Variants in PRR16 observed in about 807,000 individuals in gnomAD.
PRR16 encodes the protein proline rich 16.
PRR16 carries 6 observed loss-of-function variants against 18.2 expected under a neutral mutation model. That is an observed-to-expected ratio of 0.33 (90% CI 0.18 to 0.65). The LOEUF (loss-of-function observed/expected upper bound fraction) is 0.65, where lower values mean the gene tolerates loss of function less well. Among genes scored for constraint, PRR16 ranks in the 30% least tolerant of loss-of-function variants. PRR16 has a pLI of 0.74. For missense variants in PRR16, 412 were observed against 376.6 expected, an observed-to-expected ratio of 1.09 and a Z score of -0.78; for synonymous variants, 151 against 147.8, an observed-to-expected ratio of 1.02 and a Z score of -0.16.
intron 1 of PRR16, among the ~76,000 whole-genome samples, chr5:120,617,835 G>A (rs938787209): frequency 6.6e-6 from 1 of 152,016 alleles, no homozygotes; most frequent in Non-Finnish European, 1.5e-5. Context: ...CCATAAGAAC[G>A]ATCATTACCT....
chr5:120,499,503 A>G (rs945182371), intron 1 of PRR16, among the ~76,000 whole-genome samples: 2 of 151,980 alleles, frequency 1.3e-5, no homozygotes, highest in African/African-American at 4.8e-5. Flanking sequence ...TATATCTTCA[A>G]TTCATGGATT....
intron 1 of PRR16, among the ~76,000 whole-genome samples, chr5:120,510,455 T>C (rs960331105): frequency 6.6e-6 from 1 of 152,220 alleles, no homozygotes; most frequent in Non-Finnish European, 1.5e-5. Flanking sequence ...TGCTTATCAT[T>C]GTGCAACAGA....
the PRR16 span, among the ~76,000 whole-genome samples, chr5:120,792,499 TG>T: frequency 5.9e-5 from 9 of 152,196 alleles, no homozygotes; most frequent in African/African-American, 2.2e-4. Flanking sequence ...ATTAAACAAT[TG>T]CCAGTTCCCA....
In PRR16 at chr5:120,547,047, A is replaced by G. The variant is rs567175390; in HGVS notation, c.159+82402A>G. Among the ~76,000 whole-genome samples, 11 of 152,190 alleles carry G rather than the reference A, an allele frequency of 7.2e-5. 1 individual carries two copies. The highest frequency in any genetic ancestry group is 2.2e-4 in the African/African-American group (9 of 41,556). Reference sequence around the variant, plus strand: ...AAAAGGTAAGTTTTGAGATGTTGCTATGGTGCATTGCCATGGCATTTGTAA... The same window carrying G: ...AAAAGGTAAGTTTTGAGATGTTGCTGTGGTGCATTGCCATGGCATTTGTAA... On this transcript the variant is annotated intron_variant, in intron 1 of 1. Transcript: ENST00000407149.
chr5:120,620,836 C>T (rs1182237721), intron 1 of PRR16, among the ~76,000 whole-genome samples: 1 of 152,130 alleles, frequency 6.6e-6, no homozygotes, highest in Non-Finnish European at 1.5e-5. Context: ...TACATACCAA[C>T]TATATATGAA....
the PRR16 span, among the ~76,000 whole-genome samples, chr5:120,695,365 A>C: frequency 6.6e-6 from 1 of 152,242 alleles, no homozygotes; most frequent in East Asian, 1.9e-4. Flanking sequence ...AATTTTTCTG[A>C]TTACCTAAAC....
chr5:120,469,616 C>T (rs1003803137), intron 1 of PRR16, among the ~76,000 whole-genome samples: 1 of 152,074 alleles, frequency 6.6e-6, no homozygotes, highest in Non-Finnish European at 1.5e-5. Context: ...AGGTATGAGC[C>T]ACCATGTCTG....
At chr5:120,714,529 C>T in the PRR16 span, among the ~76,000 whole-genome samples, 1 of 152,150 alleles carries the variant, frequency 6.6e-6, no homozygotes, top group Non-Finnish European at 1.5e-5. Context: ...GACATTTTTA[C>T]ACTGTTGGTG....
intron 1 of PRR16, among the ~76,000 whole-genome samples, chr5:120,596,650 A>T (rs549898459): frequency 6.6e-6 from 1 of 151,692 alleles, no homozygotes; most frequent in Non-Finnish European, 1.5e-5. Context: ...AAATATCACA[A>T]ATACAACGTA....
At chr5:120,786,673 A>G in the PRR16 span, among the ~76,000 whole-genome samples, 2 of 151,462 alleles carry the variant, frequency 1.3e-5, no homozygotes, top group East Asian at 3.9e-4. Context: ...GCAAATAAAT[A>G]TATAATTATG....
chr5:120,644,544 T>C (rs1369853067), intron 1 of PRR16, among the ~76,000 whole-genome samples: 1 of 152,146 alleles, frequency 6.6e-6, no homozygotes, highest in Non-Finnish European at 1.5e-5. Context: ...ATCTGAGAGT[T>C]AGCCATTGCT....
At chr5:120,767,829 T>C in the PRR16 span, among the ~76,000 whole-genome samples, 4 of 151,764 alleles carry the variant, frequency 2.6e-5, no homozygotes, top group Non-Finnish European at 5.9e-5. Flanking sequence ...CCAATTCCAA[T>C]ACCCCTTCCA....
chr5:120,557,556 G>A (rs1442648792), intron 1 of PRR16, among the ~76,000 whole-genome samples: 1 of 151,720 alleles, frequency 6.6e-6, no homozygotes, highest in Admixed American at 6.6e-5. Flanking sequence ...AGAAGATCTG[G>A]GTTCAAATAA....
intron 1 of PRR16, among the ~76,000 whole-genome samples, chr5:120,598,483 T>C (rs551772011): frequency 5.9e-5 from 9 of 151,842 alleles, no homozygotes; most frequent in Non-Finnish European, 1.3e-4. Context: ...TGTAAAGCTA[T>C]ATTGTGTGGT....
the PRR16 span, among the ~76,000 whole-genome samples, chr5:120,742,203 A>G: frequency 6.6e-6 from 1 of 151,144 alleles, no homozygotes; most frequent in Non-Finnish European, 1.5e-5. Flanking sequence ...TTGCTAATGT[A>G]ATGAACATGT....
intron 1 of PRR16, among the ~76,000 whole-genome samples, chr5:120,639,900 C>T (rs1406474546): frequency 1.3e-5 from 2 of 151,926 alleles, no homozygotes. Context: ...AGATGTCCAT[C>T]AACATTGCAC....
At chr5:120,714,498 G>A in the PRR16 span, among the ~76,000 whole-genome samples, 2 of 152,180 alleles carry the variant, frequency 1.3e-5, no homozygotes, top group South Asian at 2.1e-4. Context: ...ATAGATGCTG[G>A]TGAGGTTGTG....
At chr5:120,679,320 T>C (rs969559642) in intron 1 of PRR16, among the ~76,000 whole-genome samples, 2 of 152,198 alleles carry the variant, frequency 1.3e-5, no homozygotes, top group African/African-American at 4.8e-5. Flanking sequence ...TGCCATGCTA[T>C]CTTCTCACCT....
the PRR16 span, among the ~76,000 whole-genome samples, chr5:120,732,125 G>A: frequency 6.6e-6 from 1 of 152,186 alleles, no homozygotes; most frequent in Non-Finnish European, 1.5e-5. Context: ...TAGACCAAGA[G>A]ACACACTGTA....
Sources: gnomAD v4.1 joint callset for allele counts (sites outside exome capture counted in the v4.1 genomes callset) on GRCh38, gnomAD v4.1.1 for gene constraint, MANE v1.5 for transcripts, NCBI Gene and HGNC (gene_info 2026-07-23, HGNC 2026-07-21) for gene names.